Variants in GLMN observed in about 807,000 individuals in gnomAD.
The protein encoded by GLMN is glomulin.
Under a neutral mutation model 87.8 loss-of-function variants are expected in GLMN, and 75 were observed. The observed-to-expected ratio is 0.85, with a 90% CI of 0.71 to 1.04. The LOEUF (loss-of-function observed/expected upper bound fraction) is 1.04, where lower values mean the gene tolerates loss of function less well. Ranked by LOEUF, GLMN falls within the 50% of genes least tolerant of loss-of-function variation. The probability of loss-of-function intolerance (pLI) is 0.00; values close to 1 mark genes in which losing one functional copy is unlikely to be tolerated. For missense variants in GLMN, 588 were observed against 658.8 expected (o/e 0.89, Z 1.18); for synonymous variants, 206 against 221.6 (o/e 0.93, Z 0.63).
At chr1:92,280,141 T>C (rs1008302381) in intron 7 of GLMN, among the ~76,000 whole-genome samples, 2 of 152,180 alleles carry the variant, frequency 1.3e-5, no homozygotes, top group South Asian at 2.1e-4. Context: ...GCTCCGATAA[T>C]AGACAGACTG....
chr1:92,275,182 C>T (rs1320201952), intron 7 of GLMN, among the ~76,000 whole-genome samples: 2 of 152,166 alleles, frequency 1.3e-5, no homozygotes, highest in Admixed American at 6.5e-5. Context: ...GTATTCCAAA[C>T]CTTTACCAGT....
At chr1:92,304,192 AATGAT>A in the GLMN span, 1 of 1,117,440 alleles carries the variant, frequency 8.9e-7, no homozygotes, top group African/African-American at 1.6e-5. Context: ...TGGATTGGCC[AATGAT>A]ATGATATGTA....
At chr1:92,337,588 T>C in the GLMN span, among the ~76,000 whole-genome samples, 1 of 152,166 alleles carries the variant, frequency 6.6e-6, no homozygotes, top group Admixed American at 6.5e-5. Flanking sequence ...ACTATAGATG[T>C]CTTAAAACAT....
At chr1:92,284,854 G>A (rs1024355633) in intron 7 of GLMN, among the ~76,000 whole-genome samples, 5 of 152,006 alleles carry the variant, frequency 3.3e-5, no homozygotes, top group African/African-American at 1.2e-4. Context: ...ACAGCCAACA[G>A]ACATGAAAAA....
the GLMN span, among the ~76,000 whole-genome samples, chr1:92,354,121 T>A: frequency 6.6e-6 from 1 of 152,234 alleles, no homozygotes; most frequent in East Asian, 1.9e-4. Flanking sequence ...AGTTGGCCCT[T>A]GCAAATCACA....
chr1:92,304,387 T>C, the GLMN span: 1 of 1,197,772 alleles, frequency 8.3e-7, no homozygotes, highest in Non-Finnish European at 1.2e-6. Flanking sequence ...ATTAATTTTT[T>C]TTCTTTACTA....
chr1:92,368,606 G>A, the GLMN span, among the ~76,000 whole-genome samples: 1 of 152,120 alleles, frequency 6.6e-6, no homozygotes, highest in Admixed American at 6.6e-5. Flanking sequence ...TTGGATAGAA[G>A]GTTTTAATAA....
At chr1:92,351,305 C>CAAAA in the GLMN span, among the ~76,000 whole-genome samples, 633 of 85,578 alleles carry the variant, frequency 7.4e-3, no homozygotes, top group Non-Finnish European at 0.011. Context: ...GACTCTGTCT[C>CAAAA]AAAAAAAAAA....
At chr1:92,292,315 G>C (rs1277348222) in intron 3 of GLMN, among the ~76,000 whole-genome samples, 1 of 152,114 alleles carries the variant, frequency 6.6e-6, no homozygotes, top group East Asian at 1.9e-4. Context: ...ACCTTAGGAG[G>C]CTGAGGCAGG....
chr1:92,298,568 T>C (rs544211690), intron 1 of GLMN, among the ~76,000 whole-genome samples: 18 of 152,030 alleles, frequency 1.2e-4, no homozygotes, highest in African/African-American at 4.1e-4. Flanking sequence ...TCTCTAGGAG[T>C]TGCAGTCCCC....
intron 7 of GLMN, among the ~76,000 whole-genome samples, chr1:92,283,080 C>T (rs1648281474): frequency 6.6e-6 from 1 of 152,148 alleles, no homozygotes; most frequent in Non-Finnish European, 1.5e-5. Context: ...CCTTCTGAAA[C>T]TATTCCAATC....
chr1:92,267,737 C>T lies in GLMN; in HGVS notation c.1098+176G>A, dbSNP rs182456284. ...AAAAAATAGTTCCTTAGTCACATTT[C>T]AAGTGTTCAGTTTGGCTAGTGGCTT... On this transcript the variant is annotated intron_variant, in intron 11 of 18. Coordinates refer to ENST00000370360, the MANE Select transcript of GLMN (RefSeq NM_053274.3). Among the ~76,000 whole-genome samples, 93 of 151,902 alleles carry T rather than the reference C, an allele frequency of 6.1e-4. 2 individuals carry two copies. Among genetic ancestry groups the T allele is most frequent in the African/African-American group, 2.2e-3 (91 of 41,408 alleles).
At chr1:92,280,584 C>T (rs1021586312) in intron 7 of GLMN, among the ~76,000 whole-genome samples, 6 of 152,182 alleles carry the variant, frequency 3.9e-5, no homozygotes, top group Non-Finnish European at 8.8e-5. Flanking sequence ...AGCTCCTCAC[C>T]AGCAAGGGAA....
chr1:92,304,413 A>G, the GLMN span: 294 of 815,382 alleles, frequency 3.6e-4, 1 homozygote, highest in Middle Eastern at 1.7e-3. Context: ...TATCCTAACA[A>G]GGCATGGCAA....
chr1:92,282,484 G>A (rs535059185), intron 7 of GLMN, among the ~76,000 whole-genome samples: 1 of 152,236 alleles, frequency 6.6e-6, no homozygotes, highest in South Asian at 2.1e-4. Flanking sequence ...AGTGAGTAGA[G>A]GGAAATTTAT....
At chr1:92,309,805 T>C in the GLMN span, among the ~76,000 whole-genome samples, 1 of 152,220 alleles carries the variant, frequency 6.6e-6, no homozygotes, top group East Asian at 1.9e-4. Context: ...TGGGTTGGGA[T>C]ATTGAACATT....
chr1:92,252,989 C>T (rs929607079), intron 16 of GLMN, among the ~76,000 whole-genome samples: 14 of 152,008 alleles, frequency 9.2e-5, no homozygotes, highest in African/African-American at 3.1e-4. Flanking sequence ...AGTCAGGAAC[C>T]CTGCAAAGAA....
the GLMN span, among the ~76,000 whole-genome samples, chr1:92,310,316 C>T: frequency 2.0e-5 from 3 of 152,098 alleles, no homozygotes; most frequent in African/African-American, 7.2e-5. Flanking sequence ...CATCTTTTTA[C>T]CTGTGCCAAG....
At chr1:92,259,004 ACT>A (rs1246630474) in intron 16 of GLMN, among the ~76,000 whole-genome samples, 1 of 152,198 alleles carries the variant, frequency 6.6e-6, no homozygotes, top group Non-Finnish European at 1.5e-5. Context: ...TGAAAAGCAC[ACT>A]CACACAGACT....
Sources: allele counts gnomAD v4.1 joint callset (sites outside exome capture counted in the v4.1 genomes callset), GRCh38; gene constraint gnomAD v4.1.1; transcripts MANE v1.5; gene names NCBI Gene and HGNC (gene_info 2026-07-23, HGNC 2026-07-21).